Variants in PTPRK observed in about 807,000 individuals in gnomAD.
PTPRK encodes receptor-type tyrosine-protein phosphatase kappa.
Under a neutral mutation model 178.0 loss-of-function variants are expected in PTPRK, and 75 were observed. The ratio of observed to expected loss-of-function variants is 0.42; its 90% CI spans 0.35 to 0.51. The LOEUF is 0.51. Among genes scored for constraint, PTPRK ranks in the 20% least tolerant of loss-of-function variants. The pLI, the probability that PTPRK is intolerant of heterozygous loss-of-function variation, is 0.02. For missense variants in PTPRK, 1,441 were observed against 1,797.8 expected (o/e 0.80, Z 3.59); for synonymous variants, 637 against 620.6 (o/e 1.03, Z -0.39).
chr6:128,054,572 G>A (rs1247023497), intron 13 of PTPRK, among the ~76,000 whole-genome samples: 1 of 152,168 alleles, frequency 6.6e-6, no homozygotes, highest in Non-Finnish European at 1.5e-5. Flanking sequence ...GCAGAGGGGG[G>A]ATTTGAATCT....
chr6:128,482,587 G>C (rs567193775), intron 1 of PTPRK, among the ~76,000 whole-genome samples: 1 of 152,296 alleles, frequency 6.6e-6, no homozygotes, highest in East Asian at 1.9e-4. Context: ...ATCTTAGATA[G>C]TGAGAAGTTA....
chr6:128,464,612 T>C (rs145153331), intron 1 of PTPRK, among the ~76,000 whole-genome samples: 5,241 of 113,494 alleles, frequency 0.046, 180 homozygotes, highest in Non-Finnish European at 0.071. Flanking sequence ...TATATATATA[T>C]ACATATACAT....
intron 22 of PTPRK, among the ~76,000 whole-genome samples, chr6:127,983,863 C>T (rs997388524): frequency 6.6e-6 from 1 of 151,778 alleles, no homozygotes; most frequent in African/African-American, 2.4e-5. Context: ...AAACTTTAAA[C>T]GGGAAATCTG....
chr6:128,249,871 A>G (rs1277598910), intron 3 of PTPRK, among the ~76,000 whole-genome samples: 1 of 152,168 alleles, frequency 6.6e-6, no homozygotes, highest in East Asian at 1.9e-4. Context: ...GACATTTCCC[A>G]CATGATATGG....
intron 17 of PTPRK, among the ~76,000 whole-genome samples, chr6:127,996,498 G>T (rs1373928578): frequency 2.0e-5 from 3 of 152,136 alleles, no homozygotes; most frequent in Admixed American, 2.0e-4. Context: ...TTGAGACAGA[G>T]TCTCGCTTTG....
At chr6:128,000,039 G>A (rs1777619944) in intron 15 of PTPRK, 1 of 960,848 alleles carries the variant, frequency 1.0e-6, no homozygotes, top group South Asian at 4.8e-5. Context: ...ACATTACAAC[G>A]AGAAGCATGC....
chr6:128,496,277 A>G (rs903851653), intron 1 of PTPRK, among the ~76,000 whole-genome samples: 5 of 152,196 alleles, frequency 3.3e-5, no homozygotes, highest in Admixed American at 1.3e-4. Context: ...CAGAAAAAAC[A>G]TTTCCCTAAA....
At chr6:128,409,826 C>T (rs1459037572) in intron 1 of PTPRK, among the ~76,000 whole-genome samples, 1 of 152,174 alleles carries the variant, frequency 6.6e-6, no homozygotes, top group African/African-American at 2.4e-5. Context: ...ATGTGACTTG[C>T]TCCTCCTTGC....
intron 1 of PTPRK, among the ~76,000 whole-genome samples, chr6:128,415,932 G>T (rs1321068276): frequency 6.6e-6 from 1 of 151,984 alleles, no homozygotes. Context: ...TAAATGTTTG[G>T]GGCTGATAAT....
At chr6:128,257,875 C>A (rs1048496974) in intron 3 of PTPRK, among the ~76,000 whole-genome samples, 1 of 151,936 alleles carries the variant, frequency 6.6e-6, no homozygotes, top group Admixed American at 6.6e-5. Flanking sequence ...CTCTATACTG[C>A]GTGTCACCAA....
intron 1 of PTPRK, among the ~76,000 whole-genome samples, chr6:128,508,575 T>G (rs913000450): frequency 6.6e-6 from 1 of 152,188 alleles, no homozygotes; most frequent in African/African-American, 2.4e-5. Flanking sequence ...ACAAATACAG[T>G]AGGACCCCCT....
chr6:128,237,696 A>G (rs146316304), intron 5 of PTPRK, among the ~76,000 whole-genome samples: 2 of 152,332 alleles, frequency 1.3e-5, no homozygotes, highest in African/African-American at 4.8e-5. Context: ...GGTTAGAGTA[A>G]AAGTTAGAAT....
chr6:128,484,499 A>G (rs1015272703), intron 1 of PTPRK, among the ~76,000 whole-genome samples: 2 of 152,190 alleles, frequency 1.3e-5, no homozygotes, highest in African/African-American at 4.8e-5. Context: ...ACAAATTTGA[A>G]TAAGTCTGAG....
At chr6:128,491,871 T>C (rs1233370791) in intron 1 of PTPRK, 2 of 496,116 alleles carry the variant, frequency 4.0e-6, no homozygotes, top group Non-Finnish European at 8.0e-6. Flanking sequence ...AGCGGCTTGG[T>C]AACTAACAGG....
chr6:128,121,637 G>C (rs2114399843), intron 7 of PTPRK, among the ~76,000 whole-genome samples: 1 of 152,028 alleles, frequency 6.6e-6, no homozygotes, highest in East Asian at 1.9e-4. Context: ...ATGAAACTAA[G>C]GTAATTTAAA....
chr6:128,210,824 G>A (rs548163576), intron 6 of PTPRK, among the ~76,000 whole-genome samples: 2 of 152,162 alleles, frequency 1.3e-5, no homozygotes, highest in African/African-American at 2.4e-5. Flanking sequence ...TCAGCAATAC[G>A]TAAATAACCA....
chr6:128,088,252 C>A (rs1188722827), intron 8 of PTPRK, among the ~76,000 whole-genome samples: 1 of 151,978 alleles, frequency 6.6e-6, no homozygotes, highest in Non-Finnish European at 1.5e-5. Context: ...GTGGCAGGTG[C>A]CTGTAATCCC....
rs141267880 is a variant in PTPRK, at chr6:128,187,079, C to T, written c.869-2354G>A. On this transcript the variant is annotated intron_variant, in intron 6 of 29. Coordinates refer to ENST00000368226, the MANE Select transcript of PTPRK (RefSeq NM_002844.4). ...TGCCAAGTGAATTATATATAACAAA[C>T]CTTGGTTAATCATAAATTTATAGAT... Among the ~76,000 whole-genome samples, 1,312 of 152,066 alleles carry T rather than the reference C, an allele frequency of 8.6e-3. 50 individuals are homozygous for T. Among genetic ancestry groups the T allele is most frequent in the East Asian group, 0.043 (221 of 5,162 alleles).
chr6:128,471,960 G>A (rs992885433), intron 1 of PTPRK, among the ~76,000 whole-genome samples: 13 of 151,666 alleles, frequency 8.6e-5, no homozygotes, highest in African/African-American at 2.9e-4. Context: ...AAGAAAATAA[G>A]AAGACTGAAA....
Sources: allele counts gnomAD v4.1 joint callset (sites outside exome capture counted in the v4.1 genomes callset), GRCh38; gene constraint gnomAD v4.1.1; transcripts MANE v1.5; gene names NCBI Gene and HGNC (gene_info 2026-07-23, HGNC 2026-07-21).